IL1RAPL1: variants seen among roughly 807,000 people sequenced by gnomAD.
The protein encoded by IL1RAPL1 is interleukin 1 receptor accessory protein like 1.
IL1RAPL1 carries 3 observed loss-of-function variants against 48.4 expected under a neutral mutation model. That is an observed-to-expected ratio of 0.06 (90% CI 0.03 to 0.16). IL1RAPL1 has a LOEUF of 0.16. Among genes scored for constraint, IL1RAPL1 ranks in the 10% least tolerant of loss-of-function variants. The pLI, the probability that IL1RAPL1 is intolerant of heterozygous loss-of-function variation, is 1.00. For synonymous variants in IL1RAPL1, 185 were observed against 187.7 expected (o/e 0.99, Z 0.12); for missense variants, 349 against 530.6 (o/e 0.66, Z 3.36).
intron 3 of IL1RAPL1, among the ~76,000 whole-genome samples, chrX:29,310,723 G>T (rs1469701825): frequency 8.9e-6 from 1 of 111,789 alleles, no homozygotes; most frequent in Non-Finnish European, 1.9e-5. Context: ...CTCCTAAGTA[G>T]CTTTTAATGC....
At chrX:29,608,129 TG>T (rs749533797) in intron 5 of IL1RAPL1, among the ~76,000 whole-genome samples, 1 of 112,258 alleles carries the variant, frequency 8.9e-6, no homozygotes, top group Non-Finnish European at 1.9e-5. Flanking sequence ...ACCTCTAAGA[TG>T]TCCCCTCTTT....
chrX:29,837,317 A>G lies in IL1RAPL1; in HGVS notation c.779-80147A>G, dbSNP rs199976701. Among the ~76,000 whole-genome samples, 9 of 100,421 alleles carry G rather than the reference A, an allele frequency of 9.0e-5. No homozygotes were observed. The East Asian group carries it at 9.1e-4, about 10-fold the overall frequency. 87.2% of individuals were successfully genotyped at this position (100,421 alleles called of 115,157 possible). Reference sequence around the variant, plus strand: ...TATATATATACACACACACACACACACACATATATAGACGGAGAGAAGGTG... The same window carrying G: ...TATATATATACACACACACACACACGCACATATATAGACGGAGAGAAGGTG... On this transcript the variant is annotated intron_variant, in intron 6 of 10. Coordinates refer to ENST00000378993, the MANE Select transcript of IL1RAPL1 (RefSeq NM_014271.4).
At chrX:29,595,658 G>T (rs992584097) in intron 5 of IL1RAPL1, among the ~76,000 whole-genome samples, 1 of 111,894 alleles carries the variant, frequency 8.9e-6, no homozygotes, top group Admixed American at 9.5e-5. Flanking sequence ...TTCATGTAAG[G>T]TTGTGAAGAT....
intron 3 of IL1RAPL1, among the ~76,000 whole-genome samples, chrX:29,334,756 AT>A (rs1932956071): frequency 9.3e-6 from 1 of 107,296 alleles, no homozygotes; most frequent in Non-Finnish European, 1.9e-5. Context: ...CCTAGATGGG[AT>A]GGCGGCCGGG....
At chrX:29,351,138 T>C (rs772575219) in intron 3 of IL1RAPL1, among the ~76,000 whole-genome samples, 2 of 112,186 alleles carry the variant, frequency 1.8e-5, no homozygotes, top group East Asian at 5.6e-4. Context: ...CAAAACAGTA[T>C]TTTTCCAGTT....
chrX:29,505,141 T>TA (rs780587427), intron 5 of IL1RAPL1, among the ~76,000 whole-genome samples: 1 of 112,111 alleles, frequency 8.9e-6, no homozygotes, highest in Non-Finnish European at 1.9e-5. Context: ...CTCTACATTT[T>TA]AGCTACATCC....
At chrX:29,012,767 C>T (rs1404841730) in intron 2 of IL1RAPL1, among the ~76,000 whole-genome samples, 1 of 111,610 alleles carries the variant, frequency 9.0e-6, no homozygotes, top group South Asian at 3.7e-4. Context: ...TTCAAGAGGA[C>T]TGACCATTCA....
At chrX:29,917,170 CAATCT>C (rs1932805833) in intron 6 of IL1RAPL1, among the ~76,000 whole-genome samples, 1 of 112,091 alleles carries the variant, frequency 8.9e-6, no homozygotes, top group African/African-American at 3.2e-5. Flanking sequence ...TTCATGACCT[CAATCT>C]AATCATGAGA....
chrX:29,884,543 A>G (rs922014948), intron 6 of IL1RAPL1, among the ~76,000 whole-genome samples: 1 of 110,858 alleles, frequency 9.0e-6, no homozygotes, highest in African/African-American at 3.3e-5. Context: ...ATCCTTGGTC[A>G]TCTTCTCTAC....
chrX:29,230,748 C>G (rs185031846), intron 2 of IL1RAPL1, among the ~76,000 whole-genome samples: 1 of 110,168 alleles, frequency 9.1e-6, no homozygotes, highest in African/African-American at 3.3e-5. Context: ...AAGAAGTGAC[C>G]TACAACTAGG....
intron 2 of IL1RAPL1, among the ~76,000 whole-genome samples, chrX:28,800,703 A>G (rs1239261703): frequency 9.0e-6 from 1 of 111,138 alleles, no homozygotes; most frequent in East Asian, 2.8e-4. Flanking sequence ...TGTGTCAGAT[A>G]ACTGAAAATA....
At chrX:29,022,796 G>A (rs1394269908) in intron 2 of IL1RAPL1, among the ~76,000 whole-genome samples, 1 of 106,078 alleles carries the variant, frequency 9.4e-6, no homozygotes, top group East Asian at 3.1e-4. Flanking sequence ...GCTTAAATAA[G>A]TATTACAAGA....
At chrX:29,693,864 G>A (rs1007273004) in intron 6 of IL1RAPL1, among the ~76,000 whole-genome samples, 1 of 109,368 alleles carries the variant, frequency 9.1e-6, no homozygotes, top group Non-Finnish European at 1.9e-5. Flanking sequence ...ATGCTTTTGA[G>A]GTAGGAATTA....
intron 6 of IL1RAPL1, among the ~76,000 whole-genome samples, chrX:29,747,876 A>G (rs1481075360): frequency 8.9e-6 from 1 of 112,519 alleles, no homozygotes; most frequent in Admixed American, 9.4e-5. Context: ...AAATGCGGCA[A>G]CTTACAAAAC....
intron 2 of IL1RAPL1, among the ~76,000 whole-genome samples, chrX:28,902,685 T>A (rs1333205406): frequency 8.9e-6 from 1 of 111,903 alleles, no homozygotes; most frequent in Non-Finnish European, 1.9e-5. Context: ...TTTTTATTAC[T>A]CATGGCTTAA....
chrX:28,646,602 C>T (rs930574394), intron 1 of IL1RAPL1, among the ~76,000 whole-genome samples: 1 of 112,306 alleles, frequency 8.9e-6, no homozygotes, highest in Admixed American at 9.4e-5. Context: ...AAGAGCAGAG[C>T]AGTGTGGCAA....
chrX:29,388,532 T>A (rs1349748690), intron 3 of IL1RAPL1, among the ~76,000 whole-genome samples: 1 of 112,135 alleles, frequency 8.9e-6, no homozygotes, highest in Non-Finnish European at 1.9e-5. Context: ...AACCCAAATG[T>A]CCAATAAGCT....
At chrX:29,651,695 G>A (rs1308895971) in intron 5 of IL1RAPL1, among the ~76,000 whole-genome samples, 1 of 111,456 alleles carries the variant, frequency 9.0e-6, no homozygotes, top group African/African-American at 3.3e-5. Flanking sequence ...AGGTTCAAGT[G>A]ATCTATTGTG....
intron 2 of IL1RAPL1, among the ~76,000 whole-genome samples, chrX:29,036,886 T>C (rs890354121): frequency 4.5e-5 from 5 of 111,853 alleles, no homozygotes; most frequent in Admixed American, 9.5e-5. Flanking sequence ...AATTTGAACC[T>C]AGAACCCTTT....
Sources: gnomAD v4.1 joint callset for allele counts (sites outside exome capture counted in the v4.1 genomes callset) on GRCh38, gnomAD v4.1.1 for gene constraint, MANE v1.5 for transcripts, NCBI Gene and HGNC (gene_info 2026-07-23, HGNC 2026-07-21) for gene names.